Variants in TMEM132D observed in about 807,000 individuals in gnomAD.
The protein encoded by TMEM132D is transmembrane protein 132D.
TMEM132D carries 21 observed loss-of-function variants against 62.3 expected under a neutral mutation model. The observed-to-expected ratio is 0.34, with a 90% CI of 0.24 to 0.49. The LOEUF (loss-of-function observed/expected upper bound fraction) is 0.49, where lower values mean the gene tolerates loss of function less well. Among genes scored for constraint, TMEM132D ranks in the 20% least tolerant of loss-of-function variants. TMEM132D has a pLI of 0.99. For synonymous variants in TMEM132D, 621 were observed against 575.6 expected, an observed-to-expected ratio of 1.08 and a Z score of -1.13; for missense variants, 1,346 against 1,402.8, an observed-to-expected ratio of 0.96 and a Z score of 0.65.
chr12:129,230,483 A>G (rs1879607859), intron 4 of TMEM132D, among the ~76,000 whole-genome samples: 1 of 152,278 alleles, frequency 6.6e-6, no homozygotes, highest in Non-Finnish European at 1.5e-5. Context: ...TAGCTCTGTG[A>G]TCAAGATTAT....
At chr12:129,709,717 A>G (rs1227955009) in intron 1 of TMEM132D, among the ~76,000 whole-genome samples, 2 of 152,196 alleles carry the variant, frequency 1.3e-5, no homozygotes, top group African/African-American at 4.8e-5. Context: ...TGTTCTCAGT[A>G]GGAGGTTTGA....
intron 2 of TMEM132D, among the ~76,000 whole-genome samples, chr12:129,645,231 A>G (rs1879743378): frequency 6.6e-6 from 1 of 152,104 alleles, no homozygotes; most frequent in Non-Finnish European, 1.5e-5. Context: ...TCTCTGAAGG[A>G]GGCTTCACCT....
intron 2 of TMEM132D, among the ~76,000 whole-genome samples, chr12:129,580,085 C>G (rs1298336697): frequency 1.3e-5 from 2 of 152,164 alleles, no homozygotes; most frequent in Non-Finnish European, 2.9e-5. Flanking sequence ...CTTAAGGGGT[C>G]AGTGCAGAGC....
At chr12:129,113,759 G>A (rs1184275935) in intron 5 of TMEM132D, among the ~76,000 whole-genome samples, 2 of 151,968 alleles carry the variant, frequency 1.3e-5, no homozygotes, top group African/African-American at 2.4e-5. Flanking sequence ...CTCCTTCTCG[G>A]TGGGAAAGGG....
intron 1 of TMEM132D, among the ~76,000 whole-genome samples, chr12:129,761,814 T>TC (rs1870389438): frequency 6.6e-6 from 1 of 151,776 alleles, no homozygotes; most frequent in South Asian, 2.1e-4. Context: ...CCTCCACAAA[T>TC]CCCTACCCCA....
At chr12:129,092,285 C>T (rs1593257908) in intron 5 of TMEM132D, among the ~76,000 whole-genome samples, 1 of 142,812 alleles carries the variant, frequency 7.0e-6, no homozygotes. Flanking sequence ...AATTTATGTT[C>T]TAATATTTCT....
intron 5 of TMEM132D, among the ~76,000 whole-genome samples, chr12:129,120,992 G>A (rs1023704890): frequency 6.6e-6 from 1 of 152,058 alleles, no homozygotes; most frequent in Non-Finnish European, 1.5e-5. Flanking sequence ...CCTCATCCTT[G>A]GAACCTGTTA....
chr12:129,246,380 T>A (rs10847812), intron 4 of TMEM132D, among the ~76,000 whole-genome samples: 6,074 of 152,070 alleles, frequency 0.04, 267 homozygotes, highest in East Asian at 0.22. Context: ...CTTTTACACA[T>A]AAGAGGCCAA....
At chr12:129,811,591 G>T (rs910998611) in intron 1 of TMEM132D, among the ~76,000 whole-genome samples, 1 of 151,758 alleles carries the variant, frequency 6.6e-6, no homozygotes, top group Non-Finnish European at 1.5e-5. Flanking sequence ...CCACCTCTGT[G>T]AGTGTGCGAC....
intron 1 of TMEM132D, among the ~76,000 whole-genome samples, chr12:129,899,256 GATGGATGGATGGATGGATGGATGC>G (rs1875255194): frequency 2.8e-5 from 4 of 141,194 alleles, no homozygotes; most frequent in African/African-American, 1.1e-4. Context: ...TGGATGCACG[GATGGATGGATGGATGGATGGATGC>G]ATGGATGGAT....
chr12:129,359,922 A>C (rs1437225989), intron 3 of TMEM132D, among the ~76,000 whole-genome samples: 1 of 152,002 alleles, frequency 6.6e-6, no homozygotes, highest in Admixed American at 6.5e-5. Context: ...GATAATAATA[A>C]GCACAAAATA....
intron 2 of TMEM132D, among the ~76,000 whole-genome samples, chr12:129,644,879 G>A (rs112952820): frequency 5.0e-4 from 75 of 149,422 alleles, no homozygotes; most frequent in African/African-American, 1.8e-3. Context: ...CCAGCTACTC[G>A]GGAGGCTGAG....
At chr12:129,773,709 A>C (rs1204788246) in intron 1 of TMEM132D, among the ~76,000 whole-genome samples, 1 of 152,210 alleles carries the variant, frequency 6.6e-6, no homozygotes, top group Non-Finnish European at 1.5e-5. Flanking sequence ...TGAATGGTTA[A>C]ACAATAAGAG....
At chr12:129,704,821 A>G (rs1881466076) in intron 1 of TMEM132D, among the ~76,000 whole-genome samples, 1 of 152,222 alleles carries the variant, frequency 6.6e-6, no homozygotes, top group South Asian at 2.1e-4. Context: ...AAAGACATTC[A>G]AGAAGTAGAG....
At chr12:129,888,783 A>T (rs541582581) in intron 1 of TMEM132D, among the ~76,000 whole-genome samples, 1 of 152,290 alleles carries the variant, frequency 6.6e-6, no homozygotes, top group East Asian at 1.9e-4. Flanking sequence ...TCTCTTTGGT[A>T]ACAGTGTCCC....
In TMEM132D at chr12:129,515,402, A is replaced by G. The variant is rs534234936; in HGVS notation, c.1115+15657T>C. ...TGAATGAACAAATTGGTAGGGCACT[A>G]CCAATGTGATTGAAAGTTGACATTT... On this transcript the variant is annotated intron_variant, in intron 3 of 8. Coordinates refer to ENST00000422113, the MANE Select transcript of TMEM132D (RefSeq NM_133448.3). Among the ~76,000 whole-genome samples, 16 of 152,344 alleles carry G rather than the reference A, an allele frequency of 1.1e-4. No individual in the cohort carries two copies. The South Asian group carries it at 2.9e-3, about 28-fold the overall frequency.
At chr12:129,333,963 A>C (rs1869195424) in intron 4 of TMEM132D, among the ~76,000 whole-genome samples, 1 of 152,102 alleles carries the variant, frequency 6.6e-6, no homozygotes, top group Non-Finnish European at 1.5e-5. Flanking sequence ...TCTACTAAAA[A>C]CACAAAAATT....
At chr12:129,132,217 T>C (rs987086749) in intron 5 of TMEM132D, among the ~76,000 whole-genome samples, 7 of 152,214 alleles carry the variant, frequency 4.6e-5, no homozygotes, top group African/African-American at 1.7e-4. Flanking sequence ...GTAATATCTA[T>C]CTATCTATCT....
chr12:129,228,475 C>T (rs1879543409), intron 4 of TMEM132D, among the ~76,000 whole-genome samples: 1 of 152,070 alleles, frequency 6.6e-6, no homozygotes, highest in Non-Finnish European at 1.5e-5. Context: ...ATTTTTATTG[C>T]CTTAAAAAAA....
Sources: gnomAD v4.1 joint callset for allele counts (sites outside exome capture counted in the v4.1 genomes callset) on GRCh38, gnomAD v4.1.1 for gene constraint, MANE v1.5 for transcripts, NCBI Gene and HGNC (gene_info 2026-07-23, HGNC 2026-07-21) for gene names.